Variants in AGMO observed in about 807,000 individuals in gnomAD.
AGMO encodes the protein alkylglycerol monooxygenase, also known as glyceryl-ether monooxygenase.
A neutral mutation model predicts 60.2 loss-of-function variants in AGMO; 75 were observed. The ratio of observed to expected loss-of-function variants is 1.25; its 90% CI spans 1.03 to 1.51. The LOEUF (loss-of-function observed/expected upper bound fraction) is 1.51. AGMO is among the 40% of genes most tolerant of loss of function. The probability of loss-of-function intolerance (pLI) is 0.00; values close to 1 mark genes in which losing one functional copy is unlikely to be tolerated. For synonymous variants in AGMO, 261 were observed against 177.1 expected (o/e 1.47, Z -3.76); for missense variants, 763 against 525.5 (o/e 1.45, Z -4.42).
the AGMO span, among the ~76,000 whole-genome samples, chr7:15,192,268 C>T: frequency 6.7e-6 from 1 of 149,452 alleles, no homozygotes; most frequent in African/African-American, 2.5e-5. Context: ...GCCATGCCCC[C>T]CACATCCTGT....
chr7:15,384,981 C>G (rs1268088846), intron 10 of AGMO, among the ~76,000 whole-genome samples: 1 of 151,782 alleles, frequency 6.6e-6, no homozygotes, highest in Non-Finnish European at 1.5e-5. Flanking sequence ...CTATTTGCAC[C>G]AGACAAATTG....
At chr7:15,421,712 G>C (rs1441246449) in intron 4 of AGMO, among the ~76,000 whole-genome samples, 1 of 152,076 alleles carries the variant, frequency 6.6e-6, no homozygotes, top group South Asian at 2.1e-4. Context: ...TCGTGTTGGG[G>C]TCTATGGGGT....
At chr7:15,558,371 G>T (rs17168827) in intron 2 of AGMO, among the ~76,000 whole-genome samples, 37,100 of 151,860 alleles carry the variant, frequency 0.24, 7,124 homozygotes, top group African/African-American at 0.54. Flanking sequence ...ATTGGGTGAC[G>T]TTTATAGTTT....
intron 2 of AGMO, among the ~76,000 whole-genome samples, chr7:15,557,356 G>A (rs955550293): frequency 1.3e-5 from 2 of 152,064 alleles, no homozygotes; most frequent in African/African-American, 4.8e-5. Flanking sequence ...GACGTGGCAA[G>A]CCCCTGTTGC....
chr7:15,412,684 T>TAAA (rs765917941), intron 5 of AGMO, among the ~76,000 whole-genome samples: 27 of 111,360 alleles, frequency 2.4e-4, no homozygotes, highest in African/African-American at 8.8e-4. Flanking sequence ...TTTCATTATT[T>TAAA]AAAAAAAAAA....
intron 10 of AGMO, among the ~76,000 whole-genome samples, chr7:15,376,355 A>G (rs1783450072): frequency 6.7e-6 from 1 of 150,206 alleles, no homozygotes; most frequent in Non-Finnish European, 1.5e-5. Context: ...CTCTGCTGTA[A>G]GAGTCGACCA....
chr7:15,198,240 A>AGAGAGAGAGAGAGT (rs1563030450), downstream of AGMO, among the ~76,000 whole-genome samples: 1 of 102,296 alleles, frequency 9.8e-6, no homozygotes, highest in Non-Finnish European at 1.9e-5. Flanking sequence ...AGAGAGAGAG[A>AGAGAGAGAGAGAGT]GAGAGAGAGA....
intron 2 of AGMO, 69 bp downstream of exon 2, chr7:15,560,072 G>A: frequency 7.4e-7 from 1 of 1,353,490 alleles, no homozygotes; most frequent in Non-Finnish European, 9.7e-7. Flanking sequence ...CCATGCATTG[G>A]GTTCCTTTGC....
intron 12 of AGMO, among the ~76,000 whole-genome samples, chr7:15,339,852 C>T (rs937480834): frequency 5.3e-5 from 8 of 152,130 alleles, no homozygotes; most frequent in Non-Finnish European, 7.4e-5. Context: ...AAGTATCAAT[C>T]GTAATTTTTA....
chr7:15,221,806 CAT>C (rs1345829096), intron 12 of AGMO, among the ~76,000 whole-genome samples: 1 of 152,076 alleles, frequency 6.6e-6, no homozygotes, highest in Non-Finnish European at 1.5e-5. Context: ...ACAAAGGAAA[CAT>C]AGTTATTCTT....
intron 12 of AGMO, among the ~76,000 whole-genome samples, chr7:15,353,849 AAT>A (rs1356358183): frequency 6.6e-6 from 1 of 152,114 alleles, no homozygotes; most frequent in Non-Finnish European, 1.5e-5. Flanking sequence ...GGTGAGTAAG[AAT>A]ATAAGCTATA....
chr7:15,364,792 T>A (rs1163951930), intron 12 of AGMO, among the ~76,000 whole-genome samples: 1 of 152,074 alleles, frequency 6.6e-6, no homozygotes, highest in Non-Finnish European at 1.5e-5. Context: ...CGGGGGATAT[T>A]AGTATTTATG....
intron 3 of AGMO, among the ~76,000 whole-genome samples, chr7:15,533,552 A>T (rs1448467950): frequency 6.6e-6 from 1 of 151,844 alleles, no homozygotes; most frequent in Non-Finnish European, 1.5e-5. Flanking sequence ...CTTCCTACTC[A>T]TTTGGTTTTA....
At chr7:15,299,479 T>C (rs1319091419) in intron 12 of AGMO, among the ~76,000 whole-genome samples, 2 of 152,116 alleles carry the variant, frequency 1.3e-5, no homozygotes, top group Non-Finnish European at 2.9e-5. Flanking sequence ...CTGATATCCA[T>C]TTCTCATGCG....
intron 12 of AGMO, among the ~76,000 whole-genome samples, chr7:15,341,477 A>G (rs1781844589): frequency 6.6e-6 from 1 of 152,116 alleles, no homozygotes; most frequent in Admixed American, 6.5e-5. Context: ...TATTGTCCAT[A>G]TCACTATCAG....
chr7:15,369,418 CTT>C (rs1293677790), intron 10 of AGMO, among the ~76,000 whole-genome samples: 1 of 152,142 alleles, frequency 6.6e-6, no homozygotes, highest in Non-Finnish European at 1.5e-5. Flanking sequence ...AGTGTTCTCT[CTT>C]TAACTCAACA....
At chr7:15,508,504 C>T (rs1440567361) in intron 3 of AGMO, among the ~76,000 whole-genome samples, 2 of 152,074 alleles carry the variant, frequency 1.3e-5, no homozygotes, top group East Asian at 3.9e-4. Flanking sequence ...ATATTCATAA[C>T]ATGTTCTGTT....
At chr7:15,228,060 T>G (rs1391165496) in intron 12 of AGMO, among the ~76,000 whole-genome samples, 1 of 152,178 alleles carries the variant, frequency 6.6e-6, no homozygotes. Context: ...TTCTTATTCA[T>G]GCATATAAAC....
chr7:15,210,348 G>A (rs1431896112), intron 12 of AGMO, among the ~76,000 whole-genome samples: 2 of 152,056 alleles, frequency 1.3e-5, no homozygotes, highest in Non-Finnish European at 2.9e-5. Flanking sequence ...GTATATCAAT[G>A]AAATAGTACA....
Sources: allele counts gnomAD v4.1 joint callset (sites outside exome capture counted in the v4.1 genomes callset), GRCh38; gene constraint gnomAD v4.1.1; transcripts MANE v1.5; gene names NCBI Gene and HGNC (gene_info 2026-07-23, HGNC 2026-07-21).